The following FAM163A variants were observed in gnomAD, a reference collection of about 807,000 sequenced individuals.
The protein encoded by FAM163A is protein FAM163A.
In FAM163A, 7 loss-of-function variants were observed where a neutral mutation model predicts 12.0. The observed-to-expected ratio is 0.58, with a 90% confidence interval of 0.33 to 1.10. The LOEUF (loss-of-function observed/expected upper bound fraction) is 1.10, where lower values mean the gene tolerates loss of function less well. Ranked by LOEUF, FAM163A falls within the 50% of genes least tolerant of loss-of-function variation. FAM163A has a pLI of 0.03. For synonymous variants in FAM163A, 101 were observed against 91.0 expected (o/e 1.11, Z -0.62); for missense variants, 202 against 218.6 (o/e 0.92, Z 0.48).
intron 1 of FAM163A, among the ~76,000 whole-genome samples, chr1:179,747,102 A>T (rs892545714): frequency 6.6e-6 from 1 of 152,082 alleles, no homozygotes; most frequent in African/African-American, 2.4e-5. Context: ...AGGGCAAAAG[A>T]TACGTAGGAG....
upstream of FAM163A, among the ~76,000 whole-genome samples, chr1:179,741,171 A>AGTTTTCT (rs1683586892): frequency 6.6e-6 from 1 of 152,222 alleles, no homozygotes; most frequent in Non-Finnish European, 1.5e-5. Context: ...GTAGCCTATA[A>AGTTTTCT]ACATATGTAG....
intron 1 of FAM163A, among the ~76,000 whole-genome samples, chr1:179,744,142 C>G (rs919382612): frequency 6.6e-6 from 1 of 152,168 alleles, no homozygotes; most frequent in African/African-American, 2.4e-5. Context: ...TGGGAGCCGG[C>G]GTCTCGGCCA....
intron 4 of FAM163A, among the ~76,000 whole-genome samples, 175 bp downstream of exon 4, chr1:179,813,365 G>GC (rs1254974186): frequency 6.6e-6 from 1 of 152,208 alleles, no homozygotes; most frequent in African/African-American, 2.4e-5. Flanking sequence ...GGAGCTAAGT[G>GC]CCCCCCAGCC....
intron 1 of FAM163A, among the ~76,000 whole-genome samples, chr1:179,766,576 T>G (rs1687530639): frequency 6.6e-6 from 1 of 152,236 alleles, no homozygotes; most frequent in Non-Finnish European, 1.5e-5. Context: ...ACATGTTAAA[T>G]AAATGTGTAT....
rs1336963076 is a variant in FAM163A at position 179,813,996 on chromosome 1, C to T, written c.311C>T (p.Pro104Leu). ...ACTACCTGCTCCCCATACAGCTCCC[C>T]CTTTTACATACGGACGGCTGACATG... ...HCTTCSPYSS[P>L]FYIRTADMVP... The change falls in exon 5 of 5, where the codon CCC becomes CTC. Residue 104 changes from proline to leucine, a missense_variant. Physicochemically the swap from Pro to Leu is moderately conservative, Grantham distance 98. Transcript: ENST00000341785. The T allele has an allele frequency of 6.2e-7, 1 of 1,613,216 alleles. No homozygotes were observed. The highest frequency in any genetic ancestry group is 1.3e-5 in the African/African-American group (1 of 74,908).
At chr1:179,732,125 T>C in the FAM163A span, among the ~76,000 whole-genome samples, 2 of 152,250 alleles carry the variant, frequency 1.3e-5, no homozygotes, top group Non-Finnish European at 2.9e-5. Flanking sequence ...CAAATTCTAT[T>C]TTGTTAAATC....
At chr1:179,803,121 A>C (rs958206670) in intron 1 of FAM163A, among the ~76,000 whole-genome samples, 25 of 152,160 alleles carry the variant, frequency 1.6e-4, no homozygotes, top group Non-Finnish European at 2.9e-5. Flanking sequence ...TTGCCTGAGG[A>C]TTGCCGTCCA....
At chr1:179,802,130 A>C (rs1693266960) in intron 1 of FAM163A, among the ~76,000 whole-genome samples, 1 of 152,346 alleles carries the variant, frequency 6.6e-6, no homozygotes, top group Non-Finnish European at 1.5e-5. Flanking sequence ...CAGTATCATG[A>C]TCATTGGTCT....
chr1:179,813,012 TC>T (rs556740505), intron 3 of FAM163A, 63 bp from the exon 4 acceptor site: 43 of 1,463,408 alleles, frequency 2.9e-5, no homozygotes, highest in African/African-American at 4.2e-5. Context: ...CCAGGAAGAC[TC>T]CCCCCGGCCC....
chr1:179,756,252 G>A (rs1027248588), intron 1 of FAM163A, among the ~76,000 whole-genome samples: 4 of 152,190 alleles, frequency 2.6e-5, no homozygotes, highest in East Asian at 1.9e-4. Flanking sequence ...TAAATGTATC[G>A]TAACTATCTA....
chr1:179,771,203 A>G (rs1253680663), intron 1 of FAM163A, among the ~76,000 whole-genome samples: 1 of 152,090 alleles, frequency 6.6e-6, no homozygotes, highest in Non-Finnish European at 1.5e-5. Context: ...AGCCGTCCAC[A>G]GCTTCAGCCC....
chr1:179,797,789 C>T (rs990693249), intron 1 of FAM163A, among the ~76,000 whole-genome samples: 1 of 152,096 alleles, frequency 6.6e-6, no homozygotes, highest in Non-Finnish European at 1.5e-5. Context: ...TTCTAATAGT[C>T]AACAAGGCCA....
chr1:179,805,717 C>T (rs561917380), intron 1 of FAM163A, among the ~76,000 whole-genome samples: 32 of 152,348 alleles, frequency 2.1e-4, no homozygotes, highest in African/African-American at 7.2e-4. Context: ...TCCCTACCAC[C>T]CGCCCAGGAG....
chr1:179,774,661 G>A (rs1688703157), intron 1 of FAM163A, among the ~76,000 whole-genome samples: 1 of 152,140 alleles, frequency 6.6e-6, no homozygotes, highest in Admixed American at 6.5e-5. Context: ...AGCTTTGACC[G>A]GTGGGCTGAG....
At chr1:179,746,560 AT>A (rs1684490471) in intron 1 of FAM163A, among the ~76,000 whole-genome samples, 1 of 152,176 alleles carries the variant, frequency 6.6e-6, no homozygotes, top group African/African-American at 2.4e-5. Context: ...GTCTTAGGGT[AT>A]TTGCTTGTCT....
intron 1 of FAM163A, among the ~76,000 whole-genome samples, chr1:179,781,608 G>T (rs1291454500): frequency 6.6e-6 from 1 of 152,116 alleles, no homozygotes; most frequent in African/African-American, 2.4e-5. Flanking sequence ...CGCTGGGATT[G>T]CAGGGATGAG....
the FAM163A span, among the ~76,000 whole-genome samples, chr1:179,732,512 T>A: frequency 6.6e-6 from 1 of 152,166 alleles, no homozygotes; most frequent in African/African-American, 2.4e-5. Context: ...CATTGTTTTT[T>A]AATGAGTAAT....
intron 1 of FAM163A, among the ~76,000 whole-genome samples, 170 bp from the exon 2 acceptor site, chr1:179,807,627 AG>A (rs1336885195): frequency 6.6e-6 from 1 of 152,170 alleles, no homozygotes; most frequent in East Asian, 1.9e-4. Context: ...TCAGGTTCTT[AG>A]GCTGGGGCCT....
At chr1:179,787,061 C>T (rs189866106) in intron 1 of FAM163A, among the ~76,000 whole-genome samples, 199 of 152,290 alleles carry the variant, frequency 1.3e-3, no homozygotes, top group Non-Finnish European at 2.4e-3. Context: ...ATTAGCAAAC[C>T]GTGACATCCT....
Sources: allele counts gnomAD v4.1 joint callset (sites outside exome capture counted in the v4.1 genomes callset), GRCh38; gene constraint gnomAD v4.1.1; transcripts MANE v1.5; gene names NCBI Gene and HGNC (gene_info 2026-07-23, HGNC 2026-07-21).